The following SPRED1 variants were observed in gnomAD, a reference collection of about 807,000 sequenced individuals.
The protein encoded by SPRED1 is sprouty related EVH1 domain containing 1.
Under a neutral mutation model 52.3 loss-of-function variants are expected in SPRED1, and 18 were observed. That is an observed-to-expected ratio of 0.34 (90% CI 0.24 to 0.51). The LOEUF (loss-of-function observed/expected upper bound fraction) is 0.51. Ranked by LOEUF, SPRED1 falls within the 20% of genes least tolerant of loss-of-function variation. The pLI, the probability that SPRED1 is intolerant of heterozygous loss-of-function variation, is 0.97. For synonymous variants in SPRED1, 155 were observed against 179.7 expected (o/e 0.86, Z 1.10); for missense variants, 485 against 551.0 (o/e 0.88, Z 1.20).
intron 5 of SPRED1, among the ~76,000 whole-genome samples, chr15:38,341,210 G>C (rs1182278897): frequency 6.6e-6 from 1 of 151,730 alleles, no homozygotes; most frequent in African/African-American, 2.4e-5. Flanking sequence ...TCTCTCCTTT[G>C]ATTATTCTTG....
chr15:38,314,404 A>G (rs1189544472), intron 2 of SPRED1, among the ~76,000 whole-genome samples: 2 of 151,850 alleles, frequency 1.3e-5, no homozygotes, highest in Admixed American at 6.6e-5. Flanking sequence ...TTAGCCTAAG[A>G]GTCCATTTTG....
intron 1 of SPRED1, among the ~76,000 whole-genome samples, chr15:38,267,809 A>G (rs1301268872): frequency 2.0e-5 from 3 of 152,224 alleles, no homozygotes; most frequent in African/African-American, 4.8e-5. Flanking sequence ...CCCTAAAACA[A>G]TGGCTTTCAG....
chr15:38,324,677 A>C, intron 3 of SPRED1, 86 bp from the exon 4 acceptor site: 2 of 1,065,664 alleles, frequency 1.9e-6, no homozygotes, highest in South Asian at 2.8e-5. Context: ...CTTCTAAAGT[A>C]TTATAATGAC....
chr15:38,298,823 C>CT (rs976427316), intron 1 of SPRED1, among the ~76,000 whole-genome samples: 4 of 152,148 alleles, frequency 2.6e-5, no homozygotes, highest in African/African-American at 9.7e-5. Context: ...TAACACTTTT[C>CT]TTTATATGAT....
At chr15:38,347,346 G>C (rs1378526440) in intron 5 of SPRED1, among the ~76,000 whole-genome samples, 1 of 151,826 alleles carries the variant, frequency 6.6e-6, no homozygotes, top group Non-Finnish European at 1.5e-5. Flanking sequence ...GTCTGTTTCT[G>C]ATGTCTCTAA....
At chr15:38,274,850 A>G (rs1186205249) in intron 1 of SPRED1, among the ~76,000 whole-genome samples, 1 of 152,210 alleles carries the variant, frequency 6.6e-6, no homozygotes, top group Non-Finnish European at 1.5e-5. Context: ...TTTGGCAACA[A>G]TACTATAGAG....
rs560697816 is a variant in SPRED1 at position 38,333,675 on chromosome 15, A to G, written c.424-6062A>G. 6.8e-4 allele frequency among the ~76,000 whole-genome samples: 103 copies of G among 152,258 alleles called. No individual in the cohort carries two copies. The South Asian group carries it at 0.016, about 24-fold the overall frequency. On this transcript the variant is annotated intron_variant, in intron 4 of 6. Transcript: ENST00000299084. ...GATTGTGAATACATGAATTGTTCAA[A>G]CCACCTCAAAAATCATTTTCATTAT... is the stretch of plus-strand genomic sequence containing the variant.
At position 38,353,909 on chromosome 15, in the gene SPRED1, A is replaced by T. The variant is rs1008915304; in HGVS notation, c.*2245A>T. 2 of 152,634 alleles carry T rather than the reference A, an allele frequency of 1.3e-5. No homozygotes were observed. The highest frequency in any genetic ancestry group is 1.3e-4 in the Admixed American group (2 of 15,286). The allele number at this position is 152,634 out of a possible 1,614,324, so 9.5% of individuals were successfully genotyped here. A position where few individuals can be genotyped will look rare whatever the true frequency, so the allele number is the denominator to read the frequency against. On this transcript the variant is annotated 3_prime_UTR_variant, in exon 7 of 7. Transcript: ENST00000299084. ...TTCTGTACTGTATTTTATATGCAACATATATGCTTTAATATTTTAATGTTT... is the reference window on the plus strand; with the variant it reads ...TTCTGTACTGTATTTTATATGCAACTTATATGCTTTAATATTTTAATGTTT...
chr15:38,298,630 C>CT (rs1363362240), intron 1 of SPRED1: 2 of 238,516 alleles, frequency 8.4e-6, no homozygotes, highest in African/African-American at 4.7e-5. Flanking sequence ...GGCAAAATCT[C>CT]TGTGTTCGGC....
chr15:38,334,132 A>T (rs1895861061), intron 4 of SPRED1, among the ~76,000 whole-genome samples: 2 of 152,096 alleles, frequency 1.3e-5, no homozygotes. Context: ...TGTCAAGGTG[A>T]ATGAATTTCA....
intron 1 of SPRED1, among the ~76,000 whole-genome samples, chr15:38,271,603 A>G (rs1487004446): frequency 2.6e-5 from 4 of 152,222 alleles, no homozygotes; most frequent in East Asian, 3.8e-4. Flanking sequence ...AGATCTTTCC[A>G]TCGTGCAGTT....
intron 1 of SPRED1, among the ~76,000 whole-genome samples, chr15:38,287,843 T>C (rs985820426): frequency 2.3e-5 from 3 of 129,132 alleles, no homozygotes; most frequent in Non-Finnish European, 5.1e-5. Flanking sequence ...TGGAACCAAT[T>C]TCACACAGAT....
chr15:38,310,153 G>GTGTGTGTGTGTGTGTGTGTGTGTGTT lies in SPRED1; in HGVS notation c.207+10607_207+10608insGTGTGTGTGTGTGTGTGTGTGTGTTT, dbSNP rs373463622. Among the ~76,000 whole-genome samples the GTGTGTGTGTGTGTGTGTGTGTGTGTT allele has an allele frequency of 6.0e-3, 796 of 132,232 alleles. 19 individuals are homozygous for GTGTGTGTGTGTGTGTGTGTGTGTGTT. The highest frequency in any genetic ancestry group is 0.024 in the South Asian group (92 of 3,838). The allele number at this position is 132,232 out of a possible 152,430, so 86.7% of individuals were successfully genotyped here. A position where few individuals can be genotyped will look rare whatever the true frequency, so the allele number is the denominator to read the frequency against. On this transcript the variant is annotated intron_variant, in intron 2 of 6. Coordinates refer to ENST00000299084, the MANE Select transcript of SPRED1 (RefSeq NM_152594.3). ...TGTGTGTGTGTGTGTGTGTGTGTGT[G>GTGTGTGTGTGTGTGTGTGTGTGTGTT]TTTGGAGACGAAGTTTCGCTCTTGT...
chr15:38,281,248 T>A (rs956859500), intron 1 of SPRED1, among the ~76,000 whole-genome samples: 2 of 152,340 alleles, frequency 1.3e-5, no homozygotes, highest in East Asian at 3.9e-4. Context: ...ATGGACTATC[T>A]TGTGAAATTG....
At chr15:38,275,704 G>T (rs748262373) in intron 1 of SPRED1, among the ~76,000 whole-genome samples, 3 of 152,086 alleles carry the variant, frequency 2.0e-5, no homozygotes, top group Admixed American at 6.5e-5. Flanking sequence ...CACCATGTTC[G>T]TCAGGCTGGT....
At chr15:38,322,439 A>G in intron 3 of SPRED1, 30 bp downstream of exon 3, 1 of 1,607,460 alleles carries the variant, frequency 6.2e-7, no homozygotes. Flanking sequence ...TTCTTAATTT[A>G]TTTATCGGTT....
rs1047812531 is a variant in SPRED1 at position 38,291,063 on chromosome 15, T to C, written c.33-8310T>C. Among the ~76,000 whole-genome samples, 8 of 152,136 alleles carry C rather than the reference T, an allele frequency of 5.3e-5. 1 individual carries two copies. Among genetic ancestry groups the C allele is most frequent in the African/African-American group, 1.9e-4 (8 of 41,414 alleles). ...GCCTGTAAAATCAAAAGCAAGCTAG[T>C]TACTTCCTAGATACAATGGAGATAC... On this transcript the variant is annotated intron_variant, in intron 1 of 6. Coordinates refer to ENST00000299084, the MANE Select transcript of SPRED1 (RefSeq NM_152594.3).
chr15:38,345,341 A>G (rs372529607), intron 5 of SPRED1, among the ~76,000 whole-genome samples: 104 of 152,338 alleles, frequency 6.8e-4, no homozygotes, highest in African/African-American at 2.4e-3. Flanking sequence ...GATCATCACT[A>G]AAAGCTAACT....
intron 1 of SPRED1, among the ~76,000 whole-genome samples, chr15:38,255,997 C>CT (rs373866233): frequency 2.2e-5 from 1 of 45,426 alleles, no homozygotes; most frequent in African/African-American, 4.5e-5. Context: ...CGAGTACATG[C>CT]TTATTATTTG....
Sources: allele counts gnomAD v4.1 joint callset (sites outside exome capture counted in the v4.1 genomes callset), GRCh38; gene constraint gnomAD v4.1.1; transcripts MANE v1.5; gene names NCBI Gene and HGNC (gene_info 2026-07-23, HGNC 2026-07-21).